SPOCK3: variants seen among roughly 807,000 people sequenced by gnomAD.
SPOCK3 encodes testican-3.
Under a neutral mutation model 56.6 loss-of-function variants are expected in SPOCK3, and 30 were observed. That is an observed-to-expected ratio of 0.53 (90% CI 0.40 to 0.72). The LOEUF (loss-of-function observed/expected upper bound fraction) is 0.72, where lower values mean the gene tolerates loss of function less well. SPOCK3 is among the 30% of genes least tolerant of loss of function. SPOCK3 has a pLI of 0.00. For synonymous variants in SPOCK3, 196 were observed against 183.3 expected (o/e 1.07, Z -0.56); for missense variants, 527 against 530.0 (o/e 0.99, Z 0.06).
chr4:167,214,354 A>C (rs1442157024), intron 2 of SPOCK3, among the ~76,000 whole-genome samples: 1 of 152,116 alleles, frequency 6.6e-6, no homozygotes, highest in Non-Finnish European at 1.5e-5. Flanking sequence ...TCTCATTAGT[A>C]TTTTAGATTC....
At chr4:166,955,014 A>G (rs1743226513) in intron 4 of SPOCK3, among the ~76,000 whole-genome samples, 1 of 152,184 alleles carries the variant, frequency 6.6e-6, no homozygotes, top group South Asian at 2.1e-4. Flanking sequence ...AGTATCTATT[A>G]TATGTTCACA....
intron 4 of SPOCK3, among the ~76,000 whole-genome samples, chr4:166,953,928 A>C (rs1036504356): frequency 2.6e-5 from 4 of 152,020 alleles, no homozygotes; most frequent in Non-Finnish European, 5.9e-5. Context: ...CACTCTGGGG[A>C]CTGTTGTGGG....
At chr4:166,795,571 T>C (rs1741844653) in intron 6 of SPOCK3, among the ~76,000 whole-genome samples, 1 of 152,080 alleles carries the variant, frequency 6.6e-6, no homozygotes, top group Admixed American at 6.5e-5. Context: ...CTGAAACCAT[T>C]GGCCAAAACA....
intron 4 of SPOCK3, among the ~76,000 whole-genome samples, chr4:166,972,478 C>T (rs2150076420): frequency 6.6e-6 from 1 of 151,742 alleles, no homozygotes; most frequent in East Asian, 1.9e-4. Flanking sequence ...ATCAAAAGAA[C>T]ATCACCCACT....
intron 4 of SPOCK3, among the ~76,000 whole-genome samples, chr4:166,934,502 A>C (rs1200404165): frequency 6.6e-6 from 1 of 152,162 alleles, no homozygotes; most frequent in Non-Finnish European, 1.5e-5. Context: ...CGTCTCAAAA[A>C]AAAAATGAAA....
intron 2 of SPOCK3, among the ~76,000 whole-genome samples, chr4:167,121,002 AG>A (rs1761821760): frequency 6.6e-6 from 1 of 151,870 alleles, no homozygotes; most frequent in Non-Finnish European, 1.5e-5. Flanking sequence ...CTGGATTACT[AG>A]TACTCCTTAT....
chr4:166,891,736 G>C (rs780172133), intron 5 of SPOCK3, among the ~76,000 whole-genome samples: 5 of 151,916 alleles, frequency 3.3e-5, no homozygotes, highest in Non-Finnish European at 5.9e-5. Flanking sequence ...ATTCTGCACT[G>C]TATCTTCTGT....
intron 2 of SPOCK3, among the ~76,000 whole-genome samples, chr4:167,083,761 T>C (rs151183436): frequency 2.0e-5 from 3 of 152,270 alleles, no homozygotes; most frequent in Non-Finnish European, 2.9e-5. Flanking sequence ...TAGAAACTTA[T>C]ACAAGTTATT....
chr4:166,796,735 C>T (rs545048280), intron 6 of SPOCK3, among the ~76,000 whole-genome samples: 1 of 152,184 alleles, frequency 6.6e-6, no homozygotes, highest in South Asian at 2.1e-4. Flanking sequence ...CACATCATTC[C>T]TTACTCTTCA....
intron 4 of SPOCK3, among the ~76,000 whole-genome samples, chr4:166,927,361 A>C (rs1739231219): frequency 6.6e-6 from 1 of 152,166 alleles, no homozygotes; most frequent in East Asian, 1.9e-4. Context: ...TGGTTTTATA[A>C]GGGGTTTCCA....
chr4:167,230,168 A>G (rs1222853697), intron 2 of SPOCK3, among the ~76,000 whole-genome samples: 1 of 151,962 alleles, frequency 6.6e-6, no homozygotes, highest in Non-Finnish European at 1.5e-5. Flanking sequence ...CAGTGAAATC[A>G]ATAATAGATA....
At chr4:166,858,672 A>G (rs933416377) in intron 6 of SPOCK3, among the ~76,000 whole-genome samples, 4 of 152,194 alleles carry the variant, frequency 2.6e-5, no homozygotes, top group Non-Finnish European at 5.9e-5. Context: ...TGGAATGGAG[A>G]TCATTTACTA....
intron 2 of SPOCK3, among the ~76,000 whole-genome samples, chr4:167,063,869 G>T (rs114465815): frequency 6.6e-6 from 1 of 151,862 alleles, no homozygotes; most frequent in Non-Finnish European, 1.5e-5. Context: ...CCCTTTTATG[G>T]CTGAATAGTA....
intron 7 of SPOCK3, among the ~76,000 whole-genome samples, chr4:166,776,800 T>A (rs1269466854): frequency 6.6e-6 from 1 of 152,130 alleles, no homozygotes. Context: ...CACCTAAACA[T>A]CTGCTGGATG....
chr4:167,193,969 T>C (rs527473198), intron 2 of SPOCK3, among the ~76,000 whole-genome samples: 10 of 152,338 alleles, frequency 6.6e-5, no homozygotes, highest in African/African-American at 2.2e-4. Context: ...TCTCCCTCTC[T>C]TCTCGTTCTG....
chr4:167,116,662 G>GTATATAC lies in SPOCK3; in HGVS notation c.190-54126_190-54125insGTATATA, dbSNP rs763667092. ...TACGTATATATATACACATATATAC[G>GTATATAC]TATATAGTATATATGTATATATACA... On this transcript the variant is annotated intron_variant, in intron 2 of 10. Transcript: ENST00000357545. Among the ~76,000 whole-genome samples the GTATATAC allele has an allele frequency of 2.5e-4, 16 of 62,942 alleles. 1 individual carries two copies. The highest frequency in any genetic ancestry group is 0.027 in the Middle Eastern group (2 of 74). The allele number at this position is 62,942 out of a possible 152,430, so 41.3% of individuals were successfully genotyped here.
chr4:167,156,071 A>C (rs1052423488), intron 2 of SPOCK3, among the ~76,000 whole-genome samples: 4 of 152,208 alleles, frequency 2.6e-5, no homozygotes, highest in African/African-American at 9.6e-5. Context: ...AACTTTAACA[A>C]TATGCTTGAC....
At chr4:167,060,063 A>T (rs1580164453) in intron 3 of SPOCK3, among the ~76,000 whole-genome samples, 3 of 152,052 alleles carry the variant, frequency 2.0e-5, no homozygotes, top group African/African-American at 4.8e-5. Flanking sequence ...ATGACGAGTT[A>T]ATGGGTGCAG....
chr4:166,734,975 A>G lies in SPOCK3; in HGVS notation c.1248T>C (p.Asp416=), dbSNP rs144913047. Residue 416 remains aspartate (D), a synonymous_variant, in exon 11 of 11, where the codon GAT becomes GAC. Coordinates refer to ENST00000357545, the MANE Select transcript of SPOCK3 (RefSeq NM_001040159.2). ...MNDEDEIEDD[D]EDEGDDDDGG... ...CATCATCATCATCCCCTTCATCTTC[A>G]TCATCATCTTCAATTTCATCTTCAT... 4 of 1,520,604 alleles carry G rather than the reference A, an allele frequency of 2.6e-6. No homozygotes were observed. The highest frequency in any genetic ancestry group is 3.4e-5 in the Admixed American group (2 of 59,452). 94.2% of individuals were successfully genotyped at this position (1,520,604 alleles called of 1,614,324 possible).
Sources: allele counts gnomAD v4.1 joint callset (sites outside exome capture counted in the v4.1 genomes callset), GRCh38; gene constraint gnomAD v4.1.1; transcripts MANE v1.5; gene names NCBI Gene and HGNC (gene_info 2026-07-23, HGNC 2026-07-21).